The following SERPINB12 variants were observed in gnomAD, a reference collection of about 807,000 sequenced individuals.
SERPINB12 encodes the protein serpin B12.
SERPINB12 carries 57 observed loss-of-function variants against 41.1 expected under a neutral mutation model. The observed-to-expected ratio is 1.39, with a 90% CI of 1.12 to 1.73. SERPINB12 has a LOEUF of 1.73. SERPINB12 is among the 40% of genes most tolerant of loss of function. The pLI is 0.00. For missense variants in SERPINB12, 536 were observed against 501.9 expected, an observed-to-expected ratio of 1.07 and a Z score of -0.65; for synonymous variants, 180 against 181.3, an observed-to-expected ratio of 0.99 and a Z score of 0.06.
At chr18:63,541,280 C>T (rs1451547027), upstream of SERPINB12, among the ~76,000 whole-genome samples, 2 of 152,156 alleles carry the variant, frequency 1.3e-5, no homozygotes, top group African/African-American at 4.8e-5. Context: ...ACCCACAGCA[C>T]CATAGGGCTT....
At chr18:63,551,296 A>G (rs1358402128) in intron 1 of SERPINB12, among the ~76,000 whole-genome samples, 1 of 152,046 alleles carries the variant, frequency 6.6e-6, no homozygotes, top group Non-Finnish European at 1.5e-5. Flanking sequence ...AACAAAAAAA[A>G]CAAAAAAAAG....
intron 6 of SERPINB12, 103 bp downstream of exon 6, chr18:63,564,223 A>G (rs2144351136): frequency 7.9e-7 from 1 of 1,270,358 alleles, no homozygotes; most frequent in Non-Finnish European, 1.1e-6. Flanking sequence ...TACATTTACA[A>G]TAAGAACATT....
At chr18:63,538,706 C>T (rs897083339), upstream of SERPINB12, among the ~76,000 whole-genome samples, 1 of 152,016 alleles carries the variant, frequency 6.6e-6, no homozygotes, top group Non-Finnish European at 1.5e-5. Context: ...AGGTTTATAC[C>T]TATGAGTGGA....
the SERPINB12 span, among the ~76,000 whole-genome samples, chr18:63,526,054 A>G: frequency 1.3e-5 from 2 of 152,210 alleles, no homozygotes; most frequent in African/African-American, 4.8e-5. Flanking sequence ...ATAATTCTGA[A>G]GACATTTCTA....
the SERPINB12 span, among the ~76,000 whole-genome samples, chr18:63,527,653 C>T: frequency 3.3e-5 from 5 of 152,092 alleles, no homozygotes; most frequent in Non-Finnish European, 5.9e-5. Context: ...GTAGTAGCTT[C>T]CTCAAGAGTG....
chr18:63,543,954 G>T lies in SERPINB12; in HGVS notation c.-19+1462G>T, dbSNP rs188843421. ...TTAGATTTAAGAAAATATGTTTCTT[G>T]TTAGCATATTACAATATTTATTGTA... On this transcript the variant is annotated intron_variant, in intron 1 of 7. Transcript: ENST00000382768. Among the ~76,000 whole-genome samples the T allele has an allele frequency of 1.2e-3, 186 of 152,228 alleles. 1 individual carries two copies. The highest frequency in any genetic ancestry group is 4.4e-3 in the African/African-American group (181 of 41,536).
At chr18:63,538,032 T>C (rs1357387083), upstream of SERPINB12, among the ~76,000 whole-genome samples, 1 of 152,090 alleles carries the variant, frequency 6.6e-6, no homozygotes, top group African/African-American at 2.4e-5. Context: ...TAGTATTTAA[T>C]AGGTGCTCAA....
chr18:63,523,226 G>A, the SERPINB12 span, among the ~76,000 whole-genome samples: 1 of 152,156 alleles, frequency 6.6e-6, no homozygotes, highest in Non-Finnish European at 1.5e-5. Context: ...TTTAAACAAA[G>A]TGATGTTCAA....
chr18:63,537,701 A>G (rs372409902), upstream of SERPINB12, among the ~76,000 whole-genome samples: 10 of 152,312 alleles, frequency 6.6e-5, no homozygotes, highest in East Asian at 1.5e-3. Flanking sequence ...CACTACCTGA[A>G]TGAAATCTTA....
At chr18:63,533,258 G>A in the SERPINB12 span, among the ~76,000 whole-genome samples, 3 of 152,212 alleles carry the variant, frequency 2.0e-5, no homozygotes, top group African/African-American at 4.8e-5. Flanking sequence ...TTACAGGCAT[G>A]AGCCACCACG....
chr18:63,550,768 GGGTAT>G (rs1910504998), intron 1 of SERPINB12, among the ~76,000 whole-genome samples: 1 of 152,016 alleles, frequency 6.6e-6, no homozygotes, highest in Non-Finnish European at 1.5e-5. Flanking sequence ...ACCTTAATGG[GGGTAT>G]TTACACCATA....
intron 1 of SERPINB12, among the ~76,000 whole-genome samples, chr18:63,552,402 A>G (rs914128820): frequency 1.3e-5 from 2 of 152,216 alleles, no homozygotes; most frequent in African/African-American, 2.4e-5. Context: ...ACAACATAAC[A>G]TAACATGATT....
intron 1 of SERPINB12, among the ~76,000 whole-genome samples, chr18:63,550,987 C>T (rs189476564): frequency 6.6e-6 from 1 of 152,108 alleles, no homozygotes. Flanking sequence ...TGAAAGTTTT[C>T]GGCCGGGCGC....
In SERPINB12 at chr18:63,559,595, T is replaced by C. The variant is rs764996156; in HGVS notation, c.321T>C (p.Asn107=). 26 of 1,613,970 alleles carry C rather than the reference T, an allele frequency of 1.6e-5. No homozygotes were observed. The South Asian group carries it at 2.2e-4, about 14-fold the overall frequency. ...PLDQQAGSLN[N]ESGLVSCYFG... is the part of the protein sequence containing the mutation. ...TTCCTTAGGCTGGGTCCTTAAACAATGAGAGCGGACTGGTCAGCTGCTACT... is the reference window on the plus strand; with the variant it reads ...TTCCTTAGGCTGGGTCCTTAAACAACGAGAGCGGACTGGTCAGCTGCTACT... Residue 107 remains asparagine (N), a synonymous_variant, in exon 4 of 8, where the codon AAT becomes AAC. Coordinates refer to ENST00000382768, the MANE Select transcript of SERPINB12 (RefSeq NM_001307928.2).
rs113211906 is a variant in SERPINB12 at position 63,567,915 on chromosome 18, G to A, written c.*904G>A. On this transcript the variant is annotated 3_prime_UTR_variant, in exon 8 of 8. Coordinates refer to ENST00000382768, the MANE Select transcript of SERPINB12 (RefSeq NM_001307928.2). ...GCCCCTCTCTCTGCCTTCTGGCCAC[G>A]TGGAGGCTGGCCTCTGTGTGCCCCT... 5.6e-5 allele frequency among the ~76,000 whole-genome samples: 8 copies of A among 144,086 alleles called. No homozygotes were observed. In the East Asian group the frequency reaches 1.5e-3, roughly 27 times the overall value. 94.5% of individuals were successfully genotyped at this position (144,086 alleles called of 152,430 possible). A position where few individuals can be genotyped will look rare whatever the true frequency, so the allele number is the denominator to read the frequency against.
At chr18:63,519,658 T>A in the SERPINB12 span, among the ~76,000 whole-genome samples, 1 of 152,274 alleles carries the variant, frequency 6.6e-6, no homozygotes, top group Admixed American at 6.5e-5. Flanking sequence ...GGGAACTAGG[T>A]CTTCTGGGTG....
At chr18:63,526,532 C>A in the SERPINB12 span, among the ~76,000 whole-genome samples, 1 of 152,116 alleles carries the variant, frequency 6.6e-6, no homozygotes, top group African/African-American at 2.4e-5. Flanking sequence ...AAAATAAAAT[C>A]ATGACATTAA....
At chr18:63,542,155 C>G (rs1725675069), upstream of SERPINB12, among the ~76,000 whole-genome samples, 1 of 152,132 alleles carries the variant, frequency 6.6e-6, no homozygotes, top group East Asian at 1.9e-4. Flanking sequence ...AAGGCTCTAA[C>G]CCCTAACCTG....
the SERPINB12 span, among the ~76,000 whole-genome samples, chr18:63,522,917 A>G: frequency 6.6e-6 from 1 of 152,190 alleles, no homozygotes; most frequent in Non-Finnish European, 1.5e-5. Context: ...TCACTTTGGA[A>G]CATTCGTATC....
Sources: gnomAD v4.1 joint callset for allele counts (sites outside exome capture counted in the v4.1 genomes callset) on GRCh38, gnomAD v4.1.1 for gene constraint, MANE v1.5 for transcripts, NCBI Gene and HGNC (gene_info 2026-07-23, HGNC 2026-07-21) for gene names.